The following KLF5 variants were observed in gnomAD, a reference collection of about 807,000 sequenced individuals.
KLF5 encodes Krueppel-like factor 5.
A neutral mutation model predicts 36.9 loss-of-function variants in KLF5; 9 were observed. The ratio of observed to expected loss-of-function variants is 0.24; its 90% CI spans 0.15 to 0.43. The LOEUF (loss-of-function observed/expected upper bound fraction) is 0.43, where lower values mean the gene tolerates loss of function less well. Ranked by LOEUF, KLF5 falls within the 20% of genes least tolerant of loss-of-function variation. KLF5 has a pLI of 1.00. For synonymous variants in KLF5, 246 were observed against 241.7 expected, an observed-to-expected ratio of 1.02 and a Z score of -0.17; for missense variants, 524 against 599.5, an observed-to-expected ratio of 0.87 and a Z score of 1.31.
chr13:73,075,822 T>C lies in KLF5; in HGVS notation c.1310T>C (p.Val437Ala). The change falls in exon 4 of 4, where the codon GTG becomes GCG. Residue 437 changes from valine to alanine, a missense_variant. Transcript: ENST00000377687. The stretch of plus-strand genomic sequence containing the variant: ...GGCGCCAAGCCCTTCCAGTGCGGGG[T>C]GTGCAACCGCAGCTTCTCGCGCTCT... ...HTGAKPFQCGVCNRSFSRSDH... is the reference protein window; with the variant it reads ...HTGAKPFQCGACNRSFSRSDH... The C allele has an allele frequency of 6.2e-7, 1 of 1,612,060 alleles. No homozygotes were observed. The highest frequency in any genetic ancestry group is 8.5e-7 in the Non-Finnish European group (1 of 1,178,342).
intron 3 of KLF5, among the ~76,000 whole-genome samples, chr13:73,069,296 T>C (rs896823750): frequency 6.6e-6 from 1 of 152,138 alleles, no homozygotes; most frequent in African/African-American, 2.4e-5. Context: ...TGGATGGAGA[T>C]CTTACAATGT....
At chr13:73,068,246 G>A (rs2044695669) in intron 3 of KLF5, among the ~76,000 whole-genome samples, 1 of 152,126 alleles carries the variant, frequency 6.6e-6, no homozygotes. Flanking sequence ...TTGTAAAGGG[G>A]TTACATTCCC....
At chr13:73,058,627 G>A (rs2139098529), upstream of KLF5, among the ~76,000 whole-genome samples, 1 of 152,316 alleles carries the variant, frequency 6.6e-6, no homozygotes, top group African/African-American at 2.4e-5. Flanking sequence ...CCTAAGACGT[G>A]CAATACTCTT....
chr13:73,057,169 G>A (rs192113672), upstream of KLF5, among the ~76,000 whole-genome samples: 1 of 152,276 alleles, frequency 6.6e-6, no homozygotes, highest in Admixed American at 6.5e-5. Flanking sequence ...TTAGCTTAAA[G>A]TTACAAGAGC....
intron 3 of KLF5, among the ~76,000 whole-genome samples, chr13:73,065,022 T>G (rs2044669482): frequency 6.6e-6 from 1 of 151,824 alleles, no homozygotes; most frequent in African/African-American, 2.4e-5. Context: ...AAAGTGATTG[T>G]GTTTTTTTCC....
chr13:73,057,498 A>G (rs555105327), upstream of KLF5, among the ~76,000 whole-genome samples: 1 of 152,342 alleles, frequency 6.6e-6, no homozygotes, highest in African/African-American at 2.4e-5. Flanking sequence ...TCACAGCTAT[A>G]AAAATGAATC....
intron 2 of KLF5, 65 bp downstream of exon 2, chr13:73,062,799 G>A (rs768737955): frequency 5.3e-5 from 75 of 1,408,962 alleles, no homozygotes; most frequent in Middle Eastern, 1.8e-4. Flanking sequence ...GTCTGTGTGC[G>A]CGCGCGTGTG....
At chr13:73,075,626 T>G in intron 3 of KLF5, 82 bp from the exon 4 acceptor site, 1 of 1,216,532 alleles carries the variant, frequency 8.2e-7, no homozygotes, top group Non-Finnish European at 1.1e-6. Context: ...ATTTTTTTTT[T>G]CTTTGAAATT....
intron 3 of KLF5, chr13:73,075,003 T>C (rs1471588571): frequency 1.3e-5 from 2 of 152,198 alleles, no homozygotes; most frequent in Non-Finnish European, 2.9e-5. Context: ...CATGGTCTTT[T>C]TTTTTTACCA....
At position 73,062,800 on chromosome 13, in the gene KLF5, C is replaced by G; in HGVS notation, c.1135+66C>G. The stretch of plus-strand genomic sequence containing the variant: ...GTGTGTGTGTGTGTGTCTGTGTGCG[C>G]GCGCGTGTGCGTGTGTGCACGCGCG... On this transcript the variant is annotated intron_variant, in intron 2 of 3. Coordinates refer to ENST00000377687, the MANE Select transcript of KLF5 (RefSeq NM_001730.5). 2.9e-6 allele frequency: 4 copies of G among 1,379,490 alleles called. No individual in the cohort carries two copies. In the South Asian group the frequency reaches 5.0e-5, roughly 17 times the overall value. 85.5% of individuals were successfully genotyped at this position (1,379,490 alleles called of 1,614,324 possible).
intron 2 of KLF5, 38 bp downstream of exon 2, chr13:73,062,772 A>T (rs918064082): frequency 1.9e-5 from 27 of 1,439,030 alleles, no homozygotes; most frequent in Admixed American, 1.6e-4. Flanking sequence ...CAATAGATGT[A>T]GTGTGTGTGT....
chr13:73,063,610 C>G (rs112723024), intron 2 of KLF5, among the ~76,000 whole-genome samples: 1 of 152,190 alleles, frequency 6.6e-6, no homozygotes, highest in Admixed American at 6.5e-5. Context: ...TATCTGTATT[C>G]TTTCCTGTTA....
chr13:73,064,340 C>T (rs9543219), intron 3 of KLF5, among the ~76,000 whole-genome samples: 65,159 of 151,910 alleles, frequency 0.43, 16,674 homozygotes, highest in Non-Finnish European at 0.58. Context: ...GTTAAAATAT[C>T]TGTGTTTAGT....
intron 1 of KLF5, chr13:73,059,841 TA>T: frequency 1.1e-6 from 1 of 945,876 alleles, no homozygotes; most frequent in Non-Finnish European, 1.3e-6. Flanking sequence ...CTGGGAGAGG[TA>T]AGAGGGAGGG....
chr13:73,073,343 TTCCA>T (rs1407572908), intron 3 of KLF5, among the ~76,000 whole-genome samples: 1 of 152,220 alleles, frequency 6.6e-6, no homozygotes. Flanking sequence ...GTAACTAACA[TTCCA>T]GACACTGGTA....
At chr13:73,066,926 TTTTA>T (rs759140051) in intron 3 of KLF5, among the ~76,000 whole-genome samples, 1 of 152,200 alleles carries the variant, frequency 6.6e-6, no homozygotes, top group Non-Finnish European at 1.5e-5. Context: ...AATAATTATA[TTTTA>T]TTTATATCTG....
Position 73,062,372 on chromosome 13 carries a change from C to T in KLF5, c.773C>T (p.Ala258Val). 3.7e-6 allele frequency: 6 copies of T among 1,614,220 alleles called. No homozygotes were observed. The highest frequency in any genetic ancestry group is 5.1e-6 in the Non-Finnish European group (6 of 1,180,044). Residue 258 changes from alanine (A) to valine (V), a missense_variant, in exon 2 of 4, where the codon GCT becomes GTT. Physicochemically the swap from Ala to Val is moderately conservative, Grantham distance 64. Transcript: ENST00000377687. ...GACACTCTTAATGTTTCTATGTCAG[C>T]TGCCATGGCAGGCCTTAACACACAC... ...AMDTLNVSMS[A>V]AMAGLNTHTS... is the part of the protein sequence containing the mutation.
chr13:73,062,816 T>C (rs1026337331), intron 2 of KLF5, 82 bp downstream of exon 2: 35 of 1,184,834 alleles, frequency 3.0e-5, no homozygotes, highest in African/African-American at 6.4e-5. Context: ...TGTGCGTGTG[T>C]GCACGCGCGT....
chr13:73,071,140 G>T (rs572454300), intron 3 of KLF5, among the ~76,000 whole-genome samples: 161 of 152,330 alleles, frequency 1.1e-3, no homozygotes, highest in African/African-American at 3.6e-3. Flanking sequence ...AGCAGTATAT[G>T]TGCAAGTGCA....
Sources: gnomAD v4.1 joint callset for allele counts (sites outside exome capture counted in the v4.1 genomes callset) on GRCh38, gnomAD v4.1.1 for gene constraint, MANE v1.5 for transcripts, NCBI Gene and HGNC (gene_info 2026-07-23, HGNC 2026-07-21) for gene names.